The following TMEM232 variants were observed in gnomAD, a reference collection of about 807,000 sequenced individuals.
TMEM232 encodes the protein transmembrane protein 232.
Under a neutral mutation model 78.8 loss-of-function variants are expected in TMEM232, and 80 were observed. The ratio of observed to expected loss-of-function variants is 1.01; its 90% confidence interval spans 0.85 to 1.22. TMEM232 has a LOEUF of 1.22. Among genes scored for constraint, TMEM232 ranks in the 50% most tolerant of loss-of-function variants. The pLI is 0.00. For missense variants in TMEM232, 881 were observed against 742.2 expected, an observed-to-expected ratio of 1.19 and a Z score of -2.17; for synonymous variants, 297 against 254.3, an observed-to-expected ratio of 1.17 and a Z score of -1.60.
intron 1 of TMEM232, among the ~76,000 whole-genome samples, chr5:110,718,676 A>G (rs962798497): frequency 1.3e-4 from 19 of 151,956 alleles, no homozygotes; most frequent in Non-Finnish European, 7.4e-5. Flanking sequence ...ATCTCCTTGA[A>G]TATTTTTTAT....
At chr5:110,719,823 G>T (rs980170514) in intron 1 of TMEM232, among the ~76,000 whole-genome samples, 2 of 152,068 alleles carry the variant, frequency 1.3e-5, no homozygotes, top group African/African-American at 2.4e-5. Context: ...TAAACTGTGT[G>T]CCTCATTCTG....
chr5:110,414,080 AC>A (rs1211471403), intron 2 of TMEM232, among the ~76,000 whole-genome samples: 1 of 152,212 alleles, frequency 6.6e-6, no homozygotes, highest in Non-Finnish European at 1.5e-5. Context: ...TTCACTTGCT[AC>A]TGATAGTTTG....
intron 2 of TMEM232, among the ~76,000 whole-genome samples, chr5:110,645,161 T>A (rs1257318677): frequency 6.6e-6 from 1 of 151,526 alleles, no homozygotes; most frequent in Admixed American, 6.6e-5. Context: ...CAAAGATGAA[T>A]TACTACCAAC....
chr5:110,691,785 G>A (rs1364028132), intron 1 of TMEM232, among the ~76,000 whole-genome samples: 5 of 152,196 alleles, frequency 3.3e-5, no homozygotes, highest in Non-Finnish European at 5.9e-5. Context: ...TACATGTAAT[G>A]TAAATGAGCA....
At chr5:110,658,649 T>C (rs1429583093) in intron 2 of TMEM232, among the ~76,000 whole-genome samples, 1 of 152,166 alleles carries the variant, frequency 6.6e-6, no homozygotes, top group African/African-American at 2.4e-5. Context: ...CAAGGTTGTC[T>C]GTAAGAAGCC....
intron 11 of TMEM232, among the ~76,000 whole-genome samples, chr5:110,537,212 T>C (rs1210253627): frequency 6.6e-6 from 1 of 152,078 alleles, no homozygotes; most frequent in Non-Finnish European, 1.5e-5. Context: ...TTCCACCTGA[T>C]TCCCTGCTTG....
intron 1 of TMEM232, among the ~76,000 whole-genome samples, chr5:110,701,902 A>T (rs1407086814): frequency 6.6e-6 from 1 of 151,984 alleles, no homozygotes; most frequent in Non-Finnish European, 1.5e-5. Flanking sequence ...TCCAAAGAAA[A>T]ACTCAAATTT....
At chr5:110,706,136 A>G (rs1004081121) in intron 1 of TMEM232, among the ~76,000 whole-genome samples, 1 of 152,146 alleles carries the variant, frequency 6.6e-6, no homozygotes, top group African/African-American at 2.4e-5. Flanking sequence ...ATCCTTCTCA[A>G]GCTGTACTCC....
At chr5:110,696,787 A>G (rs1580707155) in intron 1 of TMEM232, among the ~76,000 whole-genome samples, 2 of 14,968 alleles carry the variant, frequency 1.3e-4, no homozygotes, top group East Asian at 5.2e-3. Flanking sequence ...CCACTGCTCA[A>G]TGAAATAAGA....
intron 2 of TMEM232, among the ~76,000 whole-genome samples, chr5:110,411,262 G>C (rs943400563): frequency 1.1e-4 from 17 of 152,158 alleles, no homozygotes; most frequent in African/African-American, 3.9e-4. Context: ...AAAGATACAG[G>C]TATTGGAGCT....
chr5:110,443,674 A>G (rs1380047658), intron 12 of TMEM232, among the ~76,000 whole-genome samples: 1 of 152,158 alleles, frequency 6.6e-6, no homozygotes, highest in Non-Finnish European at 1.5e-5. Context: ...CAGCATAGCC[A>G]CCACAGCTGG....
intron 12 of TMEM232, among the ~76,000 whole-genome samples, chr5:110,445,091 T>A (rs1248011086): frequency 6.6e-6 from 1 of 151,996 alleles, no homozygotes; most frequent in Non-Finnish European, 1.5e-5. Context: ...TTTTCATTTA[T>A]TTCTTAGAAA....
intron 12 of TMEM232, among the ~76,000 whole-genome samples, chr5:110,431,687 T>C (rs1757868572): frequency 6.6e-6 from 1 of 151,716 alleles, no homozygotes; most frequent in East Asian, 1.9e-4. Flanking sequence ...CTGGAATCTA[T>C]CTTAAAATTC....
At chr5:110,567,238 T>C (rs1196877239) in intron 11 of TMEM232, among the ~76,000 whole-genome samples, 1 of 151,830 alleles carries the variant, frequency 6.6e-6, no homozygotes, top group Non-Finnish European at 1.5e-5. Context: ...GAATTGTAGA[T>C]GTTACTCTTT....
intron 11 of TMEM232, among the ~76,000 whole-genome samples, chr5:110,540,457 T>C (rs1772960535): frequency 1.3e-5 from 2 of 152,308 alleles, no homozygotes; most frequent in East Asian, 1.9e-4. Context: ...ATGTAACCCT[T>C]GAAACCTGTA....
intron 12 of TMEM232, among the ~76,000 whole-genome samples, chr5:110,462,443 C>T (rs373577875): frequency 4.4e-4 from 67 of 152,260 alleles, no homozygotes; most frequent in African/African-American, 1.3e-3. Context: ...CAGCTGCCAG[C>T]GCAGCTAGGA....
chr5:110,694,747 A>C (rs1303989522), intron 1 of TMEM232, among the ~76,000 whole-genome samples: 3 of 148,682 alleles, frequency 2.0e-5, no homozygotes, highest in African/African-American at 7.3e-5. Flanking sequence ...TTCAGCAAGA[A>C]CTAACTATCC....
chr5:110,543,046 T>C (rs1299187832), intron 11 of TMEM232, among the ~76,000 whole-genome samples: 2 of 152,192 alleles, frequency 1.3e-5, no homozygotes, highest in Non-Finnish European at 2.9e-5. Context: ...ATTTCTGCTT[T>C]TGTCATTTCA....
chr5:110,634,190 C>T lies in TMEM232; in HGVS notation c.501+4008G>A, dbSNP rs377067433. Among the ~76,000 whole-genome samples the T allele has an allele frequency of 2.6e-4, 40 of 152,136 alleles. 1 individual carries two copies. In the East Asian group the frequency reaches 3.9e-3, roughly 15 times the overall value. The stretch of plus-strand genomic sequence containing the variant: ...GCACCCAACAGGGAGCACCCAGATT[C>T]ACAAAACAAATACTACTAGATCTAA... On this transcript the variant is annotated intron_variant, in intron 5 of 13. Transcript: ENST00000455884.
Sources: gnomAD v4.1 joint callset for allele counts (sites outside exome capture counted in the v4.1 genomes callset) on GRCh38, gnomAD v4.1.1 for gene constraint, MANE v1.5 for transcripts, NCBI Gene and HGNC (gene_info 2026-07-23, HGNC 2026-07-21) for gene names.